Variants in GFRA2 observed in about 807,000 individuals in gnomAD.
GFRA2 encodes the protein GDNF family receptor alpha-2.
GFRA2 carries 17 observed loss-of-function variants against 48.3 expected under a neutral mutation model. The observed-to-expected ratio is 0.35, with a 90% CI of 0.24 to 0.53. The LOEUF (loss-of-function observed/expected upper bound fraction) is 0.53, where lower values mean the gene tolerates loss of function less well. Ranked by LOEUF, GFRA2 falls within the 20% of genes least tolerant of loss-of-function variation. GFRA2 has a pLI of 0.93. For synonymous variants in GFRA2, 305 were observed against 257.2 expected, an observed-to-expected ratio of 1.19 and a Z score of -1.78; for missense variants, 660 against 637.3, an observed-to-expected ratio of 1.04 and a Z score of -0.38.
In GFRA2 at chr8:21,705,006, A is replaced by G. The variant is rs763169308; in HGVS notation, c.1024T>C (p.Phe342Leu). 1 of 1,610,876 alleles carries G rather than the reference A, an allele frequency of 6.2e-7. No individual in the cohort carries two copies. The highest frequency in any genetic ancestry group is 8.5e-7 in the Non-Finnish European group (1 of 1,179,136). ...TTACGGAGGCATGGGTTCTCGGTGAAGTCCCTGAGGAACTTCTCACACTCC... is the reference window on the plus strand; with the variant it reads ...TTACGGAGGCATGGGTTCTCGGTGAGGTCCCTGAGGAACTTCTCACACTCC... Reference protein sequence around the residue: ...EEECEKFLRDFTENPCLRNAI... With the variant: ...EEECEKFLRDLTENPCLRNAI... The change falls in exon 6 of 9, where the codon TTC becomes CTC. Residue 342 changes from phenylalanine to leucine, a missense_variant. Coordinates refer to ENST00000524240, the MANE Select transcript of GFRA2 (RefSeq NM_001495.5).
upstream of GFRA2, among the ~76,000 whole-genome samples, chr8:21,791,568 A>G (rs1807574763): frequency 6.6e-6 from 1 of 152,202 alleles, no homozygotes; most frequent in Non-Finnish European, 1.5e-5. Flanking sequence ...GCCGGGATCT[A>G]CAGAGGAAAC....
intron 4 of GFRA2, among the ~76,000 whole-genome samples, chr8:21,747,755 AC>A (rs1805078359): frequency 1.6e-5 from 1 of 62,970 alleles, no homozygotes; most frequent in Non-Finnish European, 3.2e-5. Context: ...TCCATCTTCC[AC>A]CACACACACA....
At chr8:21,784,032 G>A (rs1346897282) in intron 1 of GFRA2, among the ~76,000 whole-genome samples, 1 of 151,124 alleles carries the variant, frequency 6.6e-6, no homozygotes, top group African/African-American at 2.4e-5. Context: ...CCCCTCCTCG[G>A]ACCCCAGCCT....
intron 4 of GFRA2, among the ~76,000 whole-genome samples, chr8:21,744,025 G>A (rs542390874): frequency 2.6e-4 from 39 of 152,242 alleles, no homozygotes; most frequent in Admixed American, 2.4e-3. Context: ...ACGTAACCCC[G>A]TGCAAGTAAC....
At chr8:21,802,624 G>A (rs1305421497) in intron 2 of GFRA2, among the ~76,000 whole-genome samples, 2 of 152,078 alleles carry the variant, frequency 1.3e-5, no homozygotes, top group African/African-American at 4.8e-5. Flanking sequence ...CAAAGTGCTG[G>A]GATTACAGGT....
At chr8:21,716,984 T>C in intron 4 of GFRA2, among the ~76,000 whole-genome samples, 1 of 152,232 alleles carries the variant, frequency 6.6e-6, no homozygotes, top group South Asian at 2.1e-4. Flanking sequence ...TCCTTCAAAG[T>C]GTGCTGTCTC....
At chr8:21,787,893 T>C (rs2117092787) in intron 1 of GFRA2, among the ~76,000 whole-genome samples, 1 of 152,142 alleles carries the variant, frequency 6.6e-6, no homozygotes, top group East Asian at 1.9e-4. Context: ...GGTTCGGATG[T>C]TGAGTCTCCC....
At chr8:21,694,073 ATTTT>A (rs1382510419) in intron 8 of GFRA2, among the ~76,000 whole-genome samples, 46 of 104,698 alleles carry the variant, frequency 4.4e-4, no homozygotes, top group South Asian at 6.5e-4. Flanking sequence ...ATATTTATTT[ATTTT>A]TATATATATA....
chr8:21,757,227 C>T (rs147848210), intron 3 of GFRA2, among the ~76,000 whole-genome samples: 2,044 of 152,160 alleles, frequency 0.013, 26 homozygotes, highest in Non-Finnish European at 0.022. Flanking sequence ...ACTGCCCTGC[C>T]GCAGCCACAC....
intron 3 of GFRA2, among the ~76,000 whole-genome samples, chr8:21,771,838 G>A (rs2117694362): frequency 1.3e-5 from 2 of 152,160 alleles, no homozygotes; most frequent in South Asian, 4.2e-4. Flanking sequence ...TTTCCCCACA[G>A]AGAAGTGAAG....
intron 2 of GFRA2, among the ~76,000 whole-genome samples, chr8:21,776,701 C>A (rs1418306542): frequency 1.6e-4 from 24 of 152,190 alleles, no homozygotes; most frequent in African/African-American, 5.8e-4. Flanking sequence ...AAACTCCTGA[C>A]CTCAAGCGAT....
At chr8:21,783,585 C>A (rs369927598) in intron 1 of GFRA2, among the ~76,000 whole-genome samples, 25 of 152,250 alleles carry the variant, frequency 1.6e-4, no homozygotes, top group African/African-American at 6.0e-4. Context: ...ATGAGCCTAA[C>A]TCTACCGTCC....
intron 3 of GFRA2, among the ~76,000 whole-genome samples, chr8:21,763,016 A>G (rs536642921): frequency 1.3e-5 from 2 of 152,320 alleles, no homozygotes; most frequent in Admixed American, 6.5e-5. Flanking sequence ...CACCCATCAT[A>G]AGCTAAACTT....
At chr8:21,766,029 T>C (rs1434898100) in intron 3 of GFRA2, among the ~76,000 whole-genome samples, 1 of 152,148 alleles carries the variant, frequency 6.6e-6, no homozygotes, top group Non-Finnish European at 1.5e-5. Flanking sequence ...AGTCATCTTT[T>C]CAAACACATA....
intron 7 of GFRA2, among the ~76,000 whole-genome samples, chr8:21,697,111 G>GA (rs1229567961): frequency 1.7e-3 from 245 of 147,988 alleles, no homozygotes; most frequent in Middle Eastern, 3.5e-3. Flanking sequence ...GGACAGAGGA[G>GA]AGGGGAGGGG....
intron 4 of GFRA2, among the ~76,000 whole-genome samples, chr8:21,735,630 AAAC>A (rs917075084): frequency 7.9e-5 from 12 of 152,208 alleles, no homozygotes; most frequent in Non-Finnish European, 1.5e-4. Context: ...CAAATGAAAG[AAAC>A]AACAATATAG....
intron 1 of GFRA2, 89 bp downstream of exon 1, chr8:21,788,031 T>TAC: frequency 2.3e-6 from 1 of 432,236 alleles, no homozygotes; most frequent in Non-Finnish European, 3.8e-6. Flanking sequence ...CCCGCCGACC[T>TAC]CCCGCCAGCC....
chr8:21,776,448 C>T (rs1806711878), intron 2 of GFRA2, among the ~76,000 whole-genome samples: 1 of 150,772 alleles, frequency 6.6e-6, no homozygotes, highest in Non-Finnish European at 1.5e-5. Context: ...AATTTGACAA[C>T]AGCCTCATCC....
intron 4 of GFRA2, among the ~76,000 whole-genome samples, chr8:21,745,962 G>C (rs921924916): frequency 2.0e-5 from 3 of 152,202 alleles, no homozygotes; most frequent in Non-Finnish European, 4.4e-5. Context: ...CTAGTGGAGA[G>C]GGCAGGAGCA....
Sources: gnomAD v4.1 joint callset for allele counts (sites outside exome capture counted in the v4.1 genomes callset) on GRCh38, gnomAD v4.1.1 for gene constraint, MANE v1.5 for transcripts, NCBI Gene and HGNC (gene_info 2026-07-23, HGNC 2026-07-21) for gene names.